Variants in SQSTM1 observed in about 807,000 individuals in gnomAD.
The protein encoded by SQSTM1 is sequestosome 1.
SQSTM1 carries 36 observed loss-of-function variants against 45.1 expected under a neutral mutation model. The ratio of observed to expected loss-of-function variants is 0.80; its 90% CI spans 0.61 to 1.05. SQSTM1 has a LOEUF of 1.05. Among genes scored for constraint, SQSTM1 ranks in the 50% least tolerant of loss-of-function variants. SQSTM1 has a pLI of 0.00. For missense variants in SQSTM1, 617 were observed against 607.1 expected, an observed-to-expected ratio of 1.02 and a Z score of -0.17; for synonymous variants, 290 against 244.3, an observed-to-expected ratio of 1.19 and a Z score of -1.74.
At position 179,837,468 on chromosome 5, in the gene SQSTM1, G is replaced by A; in HGVS notation, c.*875G>A. On this transcript the variant is annotated 3_prime_UTR_variant, in exon 8 of 8. Coordinates refer to ENST00000389805, the MANE Select transcript of SQSTM1 (RefSeq NM_003900.5). ...GTGGGTCGAGGATTCTGTGCCTCCA[G>A]GACCAGGGGCCCACCCTCTGCCCAG... is the stretch of plus-strand genomic sequence containing the variant. 1 of 1,613,462 alleles carries A rather than the reference G, an allele frequency of 6.2e-7. No individual in the cohort carries two copies.
intron 7 of SQSTM1, 179 bp from the exon 8 acceptor site, chr5:179,836,257 A>T: frequency 1.3e-6 from 1 of 783,856 alleles, no homozygotes; most frequent in Admixed American, 2.0e-5. Context: ...AGTGTGAAAA[A>T]GACTGCTTGG....
chr5:179,835,109 G>A (rs542302249), intron 7 of SQSTM1: 106 of 204,638 alleles, frequency 5.2e-4, no homozygotes, highest in East Asian at 3.5e-4. Context: ...AGGCAGAGGC[G>A]CTCCTCACAT....
At chr5:179,827,912 T>C (rs1270577336) in intron 5 of SQSTM1, among the ~76,000 whole-genome samples, 5 of 152,044 alleles carry the variant, frequency 3.3e-5, no homozygotes, top group Non-Finnish European at 5.9e-5. Flanking sequence ...GCAGCTTTCA[T>C]GTGAAGTGCC....
chr5:179,837,834 G>A lies in SQSTM1; in HGVS notation c.*1241G>A. On this transcript the variant is annotated 3_prime_UTR_variant, in exon 8 of 8. Coordinates refer to ENST00000389805, the MANE Select transcript of SQSTM1 (RefSeq NM_003900.5). ...GCACTGCAGTCTGCAGAGTTCTCCT[G>A]GAGGCAGGGGCTGCTGCCTTGTTTC... is the stretch of plus-strand genomic sequence containing the variant. 6.2e-7 allele frequency: 1 copy of A among 1,612,502 alleles called. No homozygotes were observed. Among genetic ancestry groups the A allele is most frequent in the Non-Finnish European group, 8.5e-7 (1 of 1,180,020 alleles).
chr5:179,806,664 G>T lies in SQSTM1; in HGVS notation c.-157+73G>T. 3.5e-6 allele frequency: 2 copies of T among 574,640 alleles called. No homozygotes were observed. Among genetic ancestry groups the T allele is most frequent in the Non-Finnish European group, 4.2e-6 (2 of 471,784 alleles). The allele number at this position is 574,640 out of a possible 1,614,324, so 35.6% of individuals were successfully genotyped here. A position where few individuals can be genotyped will look rare whatever the true frequency, so the allele number is the denominator to read the frequency against. ...CGGGGCCGGGGCGCAGGGGTCGGAAGGCGGCGGCGGCGGCGGCAGGGGCCC... is the reference window on the plus strand; with the variant it reads ...CGGGGCCGGGGCGCAGGGGTCGGAATGCGGCGGCGGCGGCGGCAGGGGCCC... On this transcript the variant is annotated intron_variant, in intron 1 of 5. Coordinates refer to the SQSTM1 transcript ENST00000514093. This position sits in a 1 kb window ranked among gnomAD's most constrained non-coding sequence, Gnocchi z 4.6.
rs748135610 is a variant in SQSTM1, at chr5:179,820,911, C to G, written c.-26C>G. ...CGCGGCGGCTGCGACCGGGACGGCC[C>G]GTTTTCCGCCAGCTCGCCGCTCGCT... On this transcript the variant is annotated 5_prime_UTR_variant, in exon 1 of 8. Coordinates refer to ENST00000389805, the MANE Select transcript of SQSTM1 (RefSeq NM_003900.5). 8.7e-6 allele frequency: 13 copies of G among 1,495,620 alleles called. No homozygotes were observed. The highest frequency in any genetic ancestry group is 3.7e-5 in the South Asian group (3 of 81,236). 92.6% of individuals were successfully genotyped at this position (1,495,620 alleles called of 1,614,324 possible). A position where few individuals can be genotyped will look rare whatever the true frequency, so the allele number is the denominator to read the frequency against.
At chr5:179,834,397 T>C (rs1194167136) in intron 7 of SQSTM1, among the ~76,000 whole-genome samples, 4 of 141,224 alleles carry the variant, frequency 2.8e-5, no homozygotes, top group African/African-American at 8.3e-5. Context: ...GGGCCAAGAG[T>C]AGTTCTTATT....
At chr5:179,823,167 CTGTT>C in intron 2 of SQSTM1, 114 bp downstream of exon 2, 1 of 986,270 alleles carries the variant, frequency 1.0e-6, no homozygotes, top group Non-Finnish European at 1.6e-6. Flanking sequence ...AATTTGAGGG[CTGTT>C]TAAGACAGAG....
At chr5:179,824,389 C>A (rs1184439663) in intron 4 of SQSTM1, 66 bp downstream of exon 4, 1 of 1,610,366 alleles carries the variant, frequency 6.2e-7, no homozygotes, top group African/African-American at 1.3e-5. Flanking sequence ...GTGCAGGGCC[C>A]TTGTGCAAAG....
intron 6 of SQSTM1, 32 bp downstream of exon 6, chr5:179,833,278 C>A: frequency 6.5e-7 from 1 of 1,537,968 alleles, no homozygotes; most frequent in South Asian, 1.2e-5. Flanking sequence ...CACCTGGGAC[C>A]ACGGCCAGCC....
intron 1 of SQSTM1, chr5:179,822,457 T>G (rs771378939): frequency 4.8e-5 from 12 of 248,820 alleles, no homozygotes; most frequent in Non-Finnish European, 7.3e-5. Flanking sequence ...AAATGGAGAC[T>G]ACATACAAAT....
At chr5:179,808,640 A>C (rs907495563) in intron 1 of SQSTM1, among the ~76,000 whole-genome samples, 5 of 151,350 alleles carry the variant, frequency 3.3e-5, no homozygotes, top group African/African-American at 4.9e-5. Flanking sequence ...ACACGGTGAA[A>C]CCCCGTCTCT....
chr5:179,825,057 C>T (rs1466369618), intron 4 of SQSTM1, 89 bp from the exon 5 acceptor site: 45 of 1,369,870 alleles, frequency 3.3e-5, no homozygotes, highest in African/African-American at 4.3e-5. Context: ...CACCCGGGAA[C>T]ACAGGGACCT....
In SQSTM1 at chr5:179,837,493, G is replaced by T; in HGVS notation, c.*900G>T. 1 of 1,614,140 alleles carries T rather than the reference G, an allele frequency of 6.2e-7. No homozygotes were observed. Among genetic ancestry groups the T allele is most frequent in the South Asian group, 1.1e-5 (1 of 91,088 alleles). On this transcript the variant is annotated 3_prime_UTR_variant, in exon 8 of 8. Coordinates refer to ENST00000389805, the MANE Select transcript of SQSTM1 (RefSeq NM_003900.5). ...GGACCAGGGGCCCACCCTCTGCCCAGGGAGTCCTTGCGTCCCATGAGGTCT... is the reference window on the plus strand; with the variant it reads ...GGACCAGGGGCCCACCCTCTGCCCATGGAGTCCTTGCGTCCCATGAGGTCT...
chr5:179,835,252 G>A (rs1231131525), intron 7 of SQSTM1: 4 of 181,592 alleles, frequency 2.2e-5, no homozygotes, highest in Non-Finnish European at 3.5e-5. Context: ...TGGGCGGCCA[G>A]GCAGAGACGC....
intron 1 of SQSTM1, among the ~76,000 whole-genome samples, chr5:179,821,931 G>T (rs2113482502): frequency 6.7e-6 from 1 of 150,108 alleles, no homozygotes; most frequent in East Asian, 2.0e-4. Flanking sequence ...AGCATACCAG[G>T]CCCTCTCCTA....
At chr5:179,835,086 T>G in intron 7 of SQSTM1, 1 of 203,444 alleles carries the variant, frequency 4.9e-6, no homozygotes. Flanking sequence ...ACCTCCCGGA[T>G]GGGGTCGCGG....
chr5:179,818,012 C>CAA (rs528143529), upstream of SQSTM1, among the ~76,000 whole-genome samples: 567 of 29,166 alleles, frequency 0.019, 101 homozygotes, highest in African/African-American at 0.028. Flanking sequence ...GAGACTGTCT[C>CAA]AAAAAAAAAA....
At chr5:179,832,484 G>A (rs979238760) in intron 5 of SQSTM1, among the ~76,000 whole-genome samples, 2 of 152,188 alleles carry the variant, frequency 1.3e-5, no homozygotes, top group African/African-American at 2.4e-5. Context: ...CGTGTGTGTC[G>A]TCGCACAAAG....
Sources: gnomAD v4.1 joint callset for allele counts (sites outside exome capture counted in the v4.1 genomes callset) on GRCh38, gnomAD v4.1.1 for gene constraint, Gnocchi (gnomAD v3.1) non-coding constraint, MANE v1.5 for transcripts, NCBI Gene and HGNC (gene_info 2026-07-23, HGNC 2026-07-21) for gene names.